The following GPC3 variants were observed in gnomAD, a reference collection of about 807,000 sequenced individuals.
GPC3 encodes glypican-3.
A neutral mutation model predicts 34.4 loss-of-function variants in GPC3; 3 were observed. That is an observed-to-expected ratio of 0.09 (90% confidence interval 0.04 to 0.23). GPC3 has a LOEUF of 0.23. GPC3 is among the 10% of genes least tolerant of loss of function. The pLI is 1.00. For missense variants in GPC3, 351 were observed against 445.6 expected (o/e 0.79, Z 1.91); for synonymous variants, 177 against 174.0 (o/e 1.02, Z -0.13).
chrX:133,951,536 C>G (rs1029841611), intron 2 of GPC3, among the ~76,000 whole-genome samples: 1 of 111,594 alleles, frequency 9.0e-6, no homozygotes, highest in Non-Finnish European at 1.9e-5. Context: ...CAGCTCTCTG[C>G]TTCAACCCAA....
intron 6 of GPC3, among the ~76,000 whole-genome samples, chrX:133,602,386 G>T (rs751066214): frequency 3.9e-4 from 43 of 111,408 alleles, no homozygotes; most frequent in Non-Finnish European, 7.4e-4. Context: ...GAGCACCTGG[G>T]ATCCTCCTTC....
At chrX:133,750,495 G>A (rs1208069810) in intron 3 of GPC3, among the ~76,000 whole-genome samples, 1 of 111,956 alleles carries the variant, frequency 8.9e-6, no homozygotes, top group African/African-American at 3.2e-5. Flanking sequence ...AATGGGATTG[G>A]ACTAGCTAAT....
rs1189565133 is a variant in GPC3 at position 133,785,386 on chromosome X, G to A, written c.338-31210C>T. On this transcript the variant is annotated intron_variant, in intron 2 of 7. Transcript: ENST00000370818. Reference sequence around the variant, plus strand: ...TTATGGTGTGTGTGACTATGGGGAAGTTATATGACCTCTCAGCCTCAGTTT... The same window carrying A: ...TTATGGTGTGTGTGACTATGGGGAAATTATATGACCTCTCAGCCTCAGTTT... 2.7e-5 allele frequency among the ~76,000 whole-genome samples: 3 copies of A among 111,384 alleles called. No homozygotes were observed. The Admixed American group carries it at 2.9e-4, about 11-fold the overall frequency.
chrX:133,687,281 G>GC (rs2071017210), intron 5 of GPC3, among the ~76,000 whole-genome samples: 1 of 104,065 alleles, frequency 9.6e-6, no homozygotes, highest in African/African-American at 3.5e-5. Context: ...TCTCTAGGTT[G>GC]TGAACTCCTT....
chrX:133,896,607 T>G (rs1346717535), intron 2 of GPC3, among the ~76,000 whole-genome samples: 1 of 111,569 alleles, frequency 9.0e-6, no homozygotes, highest in Non-Finnish European at 1.9e-5. Context: ...CATCACCACT[T>G]TTTCCTCCTT....
intron 2 of GPC3, among the ~76,000 whole-genome samples, chrX:133,813,120 C>T (rs1409408367): frequency 8.9e-6 from 1 of 112,624 alleles, no homozygotes; most frequent in African/African-American, 3.2e-5. Flanking sequence ...TTTGACTTTA[C>T]AAATCTTGCC....
At chrX:133,725,060 G>A (rs2071396778) in intron 3 of GPC3, among the ~76,000 whole-genome samples, 2 of 111,716 alleles carry the variant, frequency 1.8e-5, no homozygotes, top group African/African-American at 6.5e-5. Context: ...AGATTTGAGG[G>A]TCAGTAAAGC....
At chrX:133,672,721 G>A (rs1048579894) in intron 5 of GPC3, among the ~76,000 whole-genome samples, 2 of 111,750 alleles carry the variant, frequency 1.8e-5, no homozygotes, top group South Asian at 3.8e-4. Context: ...CGCGATCTCC[G>A]CTCACTGCAA....
chrX:133,693,090 G>A (rs955286799), intron 4 of GPC3, among the ~76,000 whole-genome samples: 8 of 110,603 alleles, frequency 7.2e-5, no homozygotes, highest in Non-Finnish European at 1.3e-4. Context: ...GGAGCAGGGT[G>A]GGGGACAATT....
At chrX:133,681,246 C>T (rs1471723326) in intron 5 of GPC3, among the ~76,000 whole-genome samples, 1 of 111,587 alleles carries the variant, frequency 9.0e-6, no homozygotes, top group Non-Finnish European at 1.9e-5. Context: ...CTCCATTTTA[C>T]GTGTGGGGAA....
chrX:133,876,078 A>C (rs1300307059), intron 2 of GPC3, among the ~76,000 whole-genome samples: 1 of 112,022 alleles, frequency 8.9e-6, no homozygotes, highest in East Asian at 2.8e-4. Context: ...TCTAACCCAA[A>C]GGTTGTTCAA....
At chrX:133,762,747 T>C (rs1449842734) in intron 2 of GPC3, 6 of 420,610 alleles carry the variant, frequency 1.4e-5, no homozygotes, top group Non-Finnish European at 2.5e-5. Context: ...GAGGGGTCCA[T>C]ACAGCGTTTT....
chrX:133,828,961 C>A (rs1424545884), intron 2 of GPC3, among the ~76,000 whole-genome samples: 3 of 110,992 alleles, frequency 2.7e-5, no homozygotes, highest in African/African-American at 6.5e-5. Flanking sequence ...TAAATATATA[C>A]AACATTTGTC....
chrX:133,817,263 G>A (rs1045451747), intron 2 of GPC3, among the ~76,000 whole-genome samples: 1 of 111,051 alleles, frequency 9.0e-6, no homozygotes, highest in Admixed American at 9.6e-5. Flanking sequence ...TTCTTCTAGC[G>A]TGTAGACTTT....
intron 2 of GPC3, among the ~76,000 whole-genome samples, chrX:133,843,505 G>A (rs997535452): frequency 1.8e-5 from 2 of 111,449 alleles, no homozygotes; most frequent in African/African-American, 6.5e-5. Flanking sequence ...TTCCTGTACA[G>A]CCAGTAGAAT....
chrX:133,790,483 C>T (rs192255322), intron 2 of GPC3, among the ~76,000 whole-genome samples: 9 of 110,870 alleles, frequency 8.1e-5, no homozygotes, highest in Admixed American at 1.9e-4. Flanking sequence ...GGGGGGAGAC[C>T]GAAAAGGGTA....
intron 2 of GPC3, among the ~76,000 whole-genome samples, chrX:133,797,515 A>ATTAT (rs1603249557): frequency 1.8e-5 from 2 of 111,174 alleles, no homozygotes; most frequent in Non-Finnish European, 3.8e-5. Context: ...GGACAAGTGT[A>ATTAT]TTATTAGGTT....
chrX:133,761,694 G>A lies in GPC3; in HGVS notation c.338-7518C>T, dbSNP rs768540103. ...CAAAGGGTCCTCAGAAATGAGAAGT[G>A]AATAGCTCTAACTACTAGAAAATGT... On this transcript the variant is annotated intron_variant, in intron 2 of 7. Transcript: ENST00000370818. Among the ~76,000 whole-genome samples, 241 of 111,864 alleles carry A rather than the reference G, an allele frequency of 2.2e-3. 1 individual carries two copies. The highest frequency in any genetic ancestry group is 4.6e-3 in the Middle Eastern group (1 of 218).
chrX:133,840,893 T>C (rs1395985015), intron 2 of GPC3, among the ~76,000 whole-genome samples: 2 of 111,250 alleles, frequency 1.8e-5, no homozygotes, highest in African/African-American at 3.3e-5. Context: ...GTATTGGGCA[T>C]TGAGACTTCA....
Sources: gnomAD v4.1 joint callset for allele counts (sites outside exome capture counted in the v4.1 genomes callset) on GRCh38, gnomAD v4.1.1 for gene constraint, MANE v1.5 for transcripts, NCBI Gene and HGNC (gene_info 2026-07-23, HGNC 2026-07-21) for gene names.